Variants in CHCHD3 observed in about 807,000 individuals in gnomAD.
The protein encoded by CHCHD3 is MICOS complex subunit MIC19.
A neutral mutation model predicts 38.2 loss-of-function variants in CHCHD3; 20 were observed. That is an observed-to-expected ratio of 0.52 (90% confidence interval 0.37 to 0.76). The LOEUF (loss-of-function observed/expected upper bound fraction) is 0.76, where lower values mean the gene tolerates loss of function less well. CHCHD3 is among the 30% of genes least tolerant of loss of function. CHCHD3 has a pLI of 0.00. For synonymous variants in CHCHD3, 82 were observed against 100.0 expected (o/e 0.82, Z 1.07); for missense variants, 245 against 279.2 (o/e 0.88, Z 0.87).
chr7:132,870,386 T>A (rs757084805), intron 5 of CHCHD3, among the ~76,000 whole-genome samples: 1 of 148,614 alleles, frequency 6.7e-6, no homozygotes, highest in African/African-American at 2.5e-5. Flanking sequence ...ATACTTCAAA[T>A]AGAATTCAAC....
At chr7:132,995,686 T>G (rs1464339778) in intron 3 of CHCHD3, among the ~76,000 whole-genome samples, 1 of 152,188 alleles carries the variant, frequency 6.6e-6, no homozygotes, top group Non-Finnish European at 1.5e-5. Context: ...TAGGACTTGC[T>G]CTTAAGGTGT....
intron 4 of CHCHD3, among the ~76,000 whole-genome samples, chr7:132,940,698 C>G (rs949842113): frequency 1.3e-5 from 2 of 152,162 alleles, no homozygotes; most frequent in African/African-American, 4.8e-5. Context: ...TCACAAGCCT[C>G]CATTATTCAC....
intron 4 of CHCHD3, among the ~76,000 whole-genome samples, chr7:132,938,415 C>G (rs1810682642): frequency 6.6e-6 from 1 of 151,970 alleles, no homozygotes; most frequent in Non-Finnish European, 1.5e-5. Flanking sequence ...ACATCTATTC[C>G]CAAAAGCTGG....
intron 1 of CHCHD3, among the ~76,000 whole-genome samples, chr7:133,075,208 T>C (rs1255948186): frequency 6.6e-6 from 1 of 152,218 alleles, no homozygotes; most frequent in Non-Finnish European, 1.5e-5. Context: ...TGTCAAATTC[T>C]CACATCAATT....
At chr7:132,997,161 A>G (rs1279473209) in intron 3 of CHCHD3, among the ~76,000 whole-genome samples, 1 of 152,178 alleles carries the variant, frequency 6.6e-6, no homozygotes, top group East Asian at 1.9e-4. Flanking sequence ...TCACTATGCC[A>G]CCTTCATTAT....
At chr7:132,868,941 AT>A (rs1808697845) in intron 5 of CHCHD3, among the ~76,000 whole-genome samples, 1 of 151,946 alleles carries the variant, frequency 6.6e-6, no homozygotes, top group Admixed American at 6.6e-5. Context: ...CTTGTTGTCC[AT>A]TTCATCTTAA....
rs78617255 is a variant in CHCHD3 at position 132,829,490 on chromosome 7, A to G, written c.524+8909T>C. Among the ~76,000 whole-genome samples, 523 of 152,330 alleles carry G rather than the reference A, an allele frequency of 3.4e-3. 7 individuals carry two copies. The highest frequency in any genetic ancestry group is 0.012 in the African/African-American group (500 of 41,584). On this transcript the variant is annotated intron_variant, in intron 6 of 7. Transcript: ENST00000262570. ...TTTGTTAGCTCACACAGAACGAATC[A>G]TGAATCCAGGAGTGTATGGCCACAA...
chr7:132,938,704 G>A (rs545685379), intron 4 of CHCHD3, among the ~76,000 whole-genome samples: 20 of 152,206 alleles, frequency 1.3e-4, no homozygotes, highest in African/African-American at 4.3e-4. Flanking sequence ...CCTCCACTGG[G>A]CTCACACTTT....
chr7:132,785,477 C>A lies in CHCHD3; in HGVS notation c.*160G>T. On this transcript the variant is annotated 3_prime_UTR_variant, in exon 8 of 8. Coordinates refer to ENST00000262570, the MANE Select transcript of CHCHD3 (RefSeq NM_017812.4). ...TTTGGCCCTTCAAACTGCTGCTGTT[C>A]AAAACGTGAAATGATTCTGCTGAAT... The A allele has an allele frequency of 2.8e-6, 2 of 725,500 alleles. No individual in the cohort carries two copies. The highest frequency in any genetic ancestry group is 3.6e-5 in the South Asian group (2 of 55,492). The allele number at this position is 725,500 out of a possible 1,614,324, so 44.9% of individuals were successfully genotyped here.
At position 132,949,629 on chromosome 7, in the gene CHCHD3, C is replaced by T. The variant is rs1398642921; in HGVS notation, c.369+25540G>A. Among the ~76,000 whole-genome samples, 6 of 152,142 alleles carry T rather than the reference C, an allele frequency of 3.9e-5. 1 individual carries two copies. The East Asian group carries it at 1.2e-3, about 29-fold the overall frequency. The stretch of plus-strand genomic sequence containing the variant: ...CCCAATAATTTTTAAAAGTAACACA[C>T]CTAGCAAAGAATAAATGCCCTCATA... On this transcript the variant is annotated intron_variant, in intron 4 of 7. Coordinates refer to ENST00000262570, the MANE Select transcript of CHCHD3 (RefSeq NM_017812.4).
intron 6 of CHCHD3, among the ~76,000 whole-genome samples, chr7:132,797,144 G>T (rs1806640971): frequency 6.6e-6 from 1 of 152,104 alleles, no homozygotes; most frequent in Non-Finnish European, 1.5e-5. Context: ...AGGCCAGCTG[G>T]CTGGTCCTTC....
chr7:132,945,107 T>C (rs532622971), intron 4 of CHCHD3, among the ~76,000 whole-genome samples: 29 of 151,938 alleles, frequency 1.9e-4, no homozygotes, highest in Non-Finnish European at 3.1e-4. Flanking sequence ...TCTAACGGCA[T>C]TGGTTAGTAC....
intron 6 of CHCHD3, among the ~76,000 whole-genome samples, chr7:132,814,240 G>A (rs1189942811): frequency 6.6e-6 from 1 of 151,024 alleles, no homozygotes; most frequent in African/African-American, 2.5e-5. Context: ...GGTCATACAT[G>A]TTATTTTGTG....
chr7:132,824,418 A>G (rs1490063708), intron 6 of CHCHD3, among the ~76,000 whole-genome samples: 1 of 141,916 alleles, frequency 7.0e-6, no homozygotes, highest in Non-Finnish European at 1.5e-5. Context: ...TCCTGGGTTC[A>G]CGCCATTCTC....
At chr7:133,042,190 C>T (rs1813852418) in intron 2 of CHCHD3, among the ~76,000 whole-genome samples, 1 of 152,178 alleles carries the variant, frequency 6.6e-6, no homozygotes, top group Non-Finnish European at 1.5e-5. Context: ...TCCACTTATA[C>T]ATATTCACTT....
rs1352056757 is a variant in CHCHD3 at position 133,081,985 on chromosome 7, C to G, written c.-48G>C. On this transcript the variant is annotated 5_prime_UTR_variant, in exon 1 of 8. Transcript: ENST00000262570. ...GAGACCTAGCGGGGAACCACGAGCA[C>G]TTCGGGGCCCCCGCACCCACACGCG... is the stretch of plus-strand genomic sequence containing the variant. The G allele has an allele frequency of 6.8e-7, 1 of 1,479,894 alleles. No homozygotes were observed. The highest frequency in any genetic ancestry group is 2.2e-5 in the Admixed American group (1 of 44,656). The allele number at this position is 1,479,894 out of a possible 1,614,324, so 91.7% of individuals were successfully genotyped here.
chr7:133,042,373 G>A (rs777668976), intron 2 of CHCHD3, among the ~76,000 whole-genome samples: 9 of 152,014 alleles, frequency 5.9e-5, no homozygotes, highest in Non-Finnish European at 1.2e-4. Context: ...CACCTCCAAG[G>A]CTTAACACCA....
chr7:132,955,418 G>T (rs1449366834), intron 4 of CHCHD3, among the ~76,000 whole-genome samples: 1 of 152,022 alleles, frequency 6.6e-6, no homozygotes, highest in African/African-American at 2.4e-5. Context: ...TTTTCATCTA[G>T]AAAGTGGAGG....
At chr7:132,809,675 G>T (rs1219387930) in intron 6 of CHCHD3, among the ~76,000 whole-genome samples, 4 of 152,186 alleles carry the variant, frequency 2.6e-5, no homozygotes, top group Non-Finnish European at 5.9e-5. Context: ...AGGACAGATG[G>T]TGACATTTGC....
Sources: gnomAD v4.1 joint callset for allele counts (sites outside exome capture counted in the v4.1 genomes callset) on GRCh38, gnomAD v4.1.1 for gene constraint, MANE v1.5 for transcripts, NCBI Gene and HGNC (gene_info 2026-07-23, HGNC 2026-07-21) for gene names.